The following GNL3L variants were observed in gnomAD, a reference collection of about 807,000 sequenced individuals.
The protein encoded by GNL3L is guanine nucleotide-binding protein-like 3-like protein.
GNL3L carries 4 observed loss-of-function variants against 42.9 expected under a neutral mutation model. The observed-to-expected ratio is 0.09, with a 90% CI of 0.05 to 0.21. GNL3L has a LOEUF of 0.21. GNL3L is among the 10% of genes least tolerant of loss of function. The pLI, the probability that GNL3L is intolerant of heterozygous loss-of-function variation, is 1.00. For synonymous variants in GNL3L, 159 were observed against 176.3 expected, an observed-to-expected ratio of 0.90 and a Z score of 0.78; for missense variants, 412 against 481.7, an observed-to-expected ratio of 0.86 and a Z score of 1.36.
At chrX:54,546,102 C>T (rs768036212) in intron 8 of GNL3L, among the ~76,000 whole-genome samples, 1 of 112,349 alleles carries the variant, frequency 8.9e-6, no homozygotes, top group South Asian at 3.6e-4. Context: ...CTCAAGTGAC[C>T]CTCCCATCTC....
the GNL3L span, among the ~76,000 whole-genome samples, chrX:54,636,189 T>C: frequency 8.9e-6 from 1 of 111,977 alleles, no homozygotes; most frequent in Non-Finnish European, 1.9e-5. Flanking sequence ...GGTTAGAACA[T>C]ACATACACAA....
At chrX:54,574,659 G>A (rs778082198) in intron 16 of GNL3L, among the ~76,000 whole-genome samples, 44 of 112,062 alleles carry the variant, frequency 3.9e-4, no homozygotes, top group African/African-American at 1.4e-3. Context: ...GTTGGGAAGT[G>A]TTACTTTTAT....
the GNL3L span, among the ~76,000 whole-genome samples, chrX:54,628,836 T>C: frequency 9.3e-6 from 1 of 107,882 alleles, no homozygotes; most frequent in Non-Finnish European, 1.9e-5. Flanking sequence ...CTCTTTTGCT[T>C]ATTTCTTTTG....
chrX:54,603,697 G>A (rs1199607945), intron 16 of GNL3L, among the ~76,000 whole-genome samples: 1 of 110,767 alleles, frequency 9.0e-6, no homozygotes, highest in Non-Finnish European at 1.9e-5. Context: ...AAATCTTAAC[G>A]TTTTGCCCAT....
chrX:54,538,842 A>T (rs190816326), intron 2 of GNL3L, among the ~76,000 whole-genome samples, 198 bp from the exon 3 acceptor site: 2 of 111,731 alleles, frequency 1.8e-5, no homozygotes, highest in Admixed American at 1.9e-4. Flanking sequence ...CAGTGAAATA[A>T]TGTGCAAATA....
chrX:54,634,190 T>C, the GNL3L span, among the ~76,000 whole-genome samples: 1 of 112,694 alleles, frequency 8.9e-6, no homozygotes, highest in Non-Finnish European at 1.9e-5. Context: ...GGCCATTATT[T>C]CTTCAAATAT....
At chrX:54,603,401 A>G (rs937312963) in intron 16 of GNL3L, among the ~76,000 whole-genome samples, 4 of 111,972 alleles carry the variant, frequency 3.6e-5, no homozygotes, top group Admixed American at 2.8e-4. Flanking sequence ...TCAGGCAGAA[A>G]CATCAATAAT....
exon 17 of GNL3L, among the ~76,000 whole-genome samples, chrX:54,620,988 T>C (rs1002137185): frequency 1.8e-5 from 2 of 112,236 alleles, no homozygotes; most frequent in Non-Finnish European, 3.8e-5. Context: ...AAAAACTTTA[T>C]TAGTCAGAGT....
At chrX:54,642,164 G>A in the GNL3L span, among the ~76,000 whole-genome samples, 2 of 111,385 alleles carry the variant, frequency 1.8e-5, no homozygotes, top group African/African-American at 6.5e-5. Flanking sequence ...TTTGCACTTC[G>A]GCCCTCTGAG....
chrX:54,538,359 C>G (rs768455255), intron 2 of GNL3L, among the ~76,000 whole-genome samples: 2 of 111,550 alleles, frequency 1.8e-5, no homozygotes, highest in South Asian at 7.5e-4. Context: ...TCCTGTCTCT[C>G]TAGGAATTCC....
chrX:54,604,725 C>T (rs1430123008), intron 16 of GNL3L, among the ~76,000 whole-genome samples: 2 of 112,000 alleles, frequency 1.8e-5, no homozygotes, highest in African/African-American at 6.5e-5. Context: ...CAGCAGAACT[C>T]TGAAATTTGA....
chrX:54,557,262 CA>C (rs1402487963), intron 14 of GNL3L, among the ~76,000 whole-genome samples: 5 of 104,526 alleles, frequency 4.8e-5, no homozygotes, highest in African/African-American at 1.0e-4. Flanking sequence ...AAGTAGATGT[CA>C]AAAAAAAAAT....
In GNL3L at chrX:54,611,020, C is replaced by T. The variant is rs757597169; in HGVS notation, c.*46-9825C>T. ...AATTTTTAAATTACCATTTCAGCCT[C>T]GCTGCTTGTTATTGGTCTGTTCAGG... On this transcript the variant is annotated intron_variant, in intron 16 of 16. Transcript: ENST00000674498. 2.4e-3 allele frequency among the ~76,000 whole-genome samples: 263 copies of T among 110,944 alleles called. 1 individual carries two copies. Among genetic ancestry groups the T allele is most frequent in the African/African-American group, 7.7e-3 (237 of 30,626 alleles).
chrX:54,581,894 T>C (rs1569542422), intron 16 of GNL3L, among the ~76,000 whole-genome samples: 1 of 112,024 alleles, frequency 8.9e-6, no homozygotes, highest in Non-Finnish European at 1.9e-5. Context: ...CAGATTTTGG[T>C]ATGAACATGT....
chrX:54,579,600 A>T (rs1602000279), intron 16 of GNL3L, among the ~76,000 whole-genome samples: 1 of 111,565 alleles, frequency 9.0e-6, no homozygotes, highest in African/African-American at 3.3e-5. Context: ...GCTATGTGGC[A>T]CAGGCTGTTC....
intron 16 of GNL3L, among the ~76,000 whole-genome samples, chrX:54,584,881 G>A (rs772128027): frequency 8.9e-6 from 1 of 112,521 alleles, no homozygotes; most frequent in East Asian, 2.8e-4. Flanking sequence ...TGCCTCCTGG[G>A]TTCAAGCGAT....
At chrX:54,599,057 A>T (rs1925970985) in intron 16 of GNL3L, among the ~76,000 whole-genome samples, 1 of 112,134 alleles carries the variant, frequency 8.9e-6, no homozygotes, top group African/African-American at 3.2e-5. Flanking sequence ...TTAACCAAGG[A>T]TATGTCATAT....
At chrX:54,600,517 C>T (rs779102680) in intron 16 of GNL3L, among the ~76,000 whole-genome samples, 11 of 110,239 alleles carry the variant, frequency 1.0e-4, no homozygotes, top group South Asian at 3.9e-4. Flanking sequence ...TGAGCCACTG[C>T]GCCTGGCCCC....
chrX:54,555,472 C>G (rs868088226), intron 14 of GNL3L, among the ~76,000 whole-genome samples: 1 of 107,037 alleles, frequency 9.3e-6, no homozygotes, highest in Admixed American at 1.0e-4. Context: ...TTCTTTCTTT[C>G]TTTTTCTTTC....
Sources: allele counts gnomAD v4.1 joint callset (sites outside exome capture counted in the v4.1 genomes callset), GRCh38; gene constraint gnomAD v4.1.1; transcripts MANE v1.5; gene names NCBI Gene and HGNC (gene_info 2026-07-23, HGNC 2026-07-21).